Variants in UST observed in about 807,000 individuals in gnomAD.
The protein encoded by UST is uronyl 2-sulfotransferase.
A neutral mutation model predicts 45.6 loss-of-function variants in UST; 21 were observed. The observed-to-expected ratio is 0.46, with a 90% confidence interval of 0.33 to 0.66. The LOEUF is 0.66. Among genes scored for constraint, UST ranks in the 30% least tolerant of loss-of-function variants. The probability of loss-of-function intolerance (pLI) is 0.02; values close to 1 mark genes in which losing one functional copy is unlikely to be tolerated. For synonymous variants in UST, 215 were observed against 200.6 expected, an observed-to-expected ratio of 1.07 and a Z score of -0.61; for missense variants, 463 against 512.4, an observed-to-expected ratio of 0.90 and a Z score of 0.93.
At chr6:148,916,202 A>G in intron 2 of UST, among the ~76,000 whole-genome samples, 1 of 152,208 alleles carries the variant, frequency 6.6e-6, no homozygotes, top group East Asian at 1.9e-4. Flanking sequence ...ATCACAGGCC[A>G]TAATATTGGC....
intron 5 of UST, among the ~76,000 whole-genome samples, chr6:148,976,059 A>G (rs1781010188): frequency 6.6e-6 from 1 of 152,266 alleles, no homozygotes; most frequent in African/African-American, 2.4e-5. Flanking sequence ...ATATTAAGAT[A>G]TAAGAAGTCT....
chr6:148,833,433 C>T (rs1379678428), intron 1 of UST, among the ~76,000 whole-genome samples: 2 of 152,056 alleles, frequency 1.3e-5, no homozygotes, highest in Non-Finnish European at 2.9e-5. Context: ...CTTGCAGTGA[C>T]CTGAGATCGT....
intron 1 of UST, among the ~76,000 whole-genome samples, chr6:148,789,466 C>T (rs1487941945): frequency 6.6e-6 from 1 of 151,736 alleles, no homozygotes; most frequent in African/African-American, 2.4e-5. Context: ...CACACACACA[C>T]ACACACACAC....
intron 1 of UST, among the ~76,000 whole-genome samples, chr6:148,798,004 G>C (rs1401257505): frequency 6.6e-6 from 1 of 152,198 alleles, no homozygotes; most frequent in Non-Finnish European, 1.5e-5. Context: ...TTTGAAGTAG[G>C]TGGGCAACAT....
chr6:148,967,253 T>C (rs1780822052), intron 5 of UST, among the ~76,000 whole-genome samples: 1 of 151,708 alleles, frequency 6.6e-6, no homozygotes, highest in Non-Finnish European at 1.5e-5. Flanking sequence ...GATGAGGTCA[T>C]CAGATCGATC....
At chr6:148,809,910 A>C (rs1006414438) in intron 1 of UST, among the ~76,000 whole-genome samples, 2 of 152,154 alleles carry the variant, frequency 1.3e-5, no homozygotes, top group African/African-American at 4.8e-5. Flanking sequence ...CCTCACCCCA[A>C]TTCTGCTGCT....
intron 7 of UST, among the ~76,000 whole-genome samples, chr6:149,038,032 C>G (rs1373070661): frequency 1.3e-5 from 2 of 152,114 alleles, no homozygotes; most frequent in African/African-American, 2.4e-5. Context: ...AATGGCCAGA[C>G]GCCCAAACCT....
chr6:148,971,313 G>A (rs1403998845), intron 5 of UST, among the ~76,000 whole-genome samples: 1 of 152,028 alleles, frequency 6.6e-6, no homozygotes, highest in Non-Finnish European at 1.5e-5. Flanking sequence ...AGTACTTTCT[G>A]TGTAGTAGGA....
intron 7 of UST, among the ~76,000 whole-genome samples, chr6:149,024,010 G>A (rs1776017577): frequency 6.6e-6 from 1 of 152,134 alleles, no homozygotes; most frequent in East Asian, 1.9e-4. Context: ...TCAGAGTTTG[G>A]CATAGTAAAT....
intron 2 of UST, among the ~76,000 whole-genome samples, chr6:148,917,938 ACT>A (rs1562299284): frequency 1.3e-5 from 2 of 151,624 alleles, no homozygotes; most frequent in African/African-American, 2.4e-5. Flanking sequence ...CTTTCTTAAA[ACT>A]CTGTCGCTCT....
At position 148,987,194 on chromosome 6, in the gene UST, C is replaced by G. The variant is rs192931400; in HGVS notation, c.681+22631C>G. 5.2e-3 allele frequency among the ~76,000 whole-genome samples: 789 copies of G among 152,334 alleles called. 11 individuals are homozygous for G. Among genetic ancestry groups the G allele is most frequent in the African/African-American group, 0.018 (760 of 41,570 alleles). On this transcript the variant is annotated intron_variant, in intron 5 of 7. Coordinates refer to ENST00000367463, the MANE Select transcript of UST (RefSeq NM_005715.3). ...AACCAGGAGATACATTAATTACTTG[C>G]CTCCCTGGCCACTCTCAGTTTATTG...
At chr6:148,887,979 A>G (rs1043432522) in intron 2 of UST, among the ~76,000 whole-genome samples, 1 of 152,130 alleles carries the variant, frequency 6.6e-6, no homozygotes, top group African/African-American at 2.4e-5. Context: ...TGAACCCCCA[A>G]CCTTAGAGGC....
intron 7 of UST, among the ~76,000 whole-genome samples, chr6:149,023,853 G>A (rs185790396): frequency 3.3e-5 from 5 of 152,304 alleles, no homozygotes; most frequent in African/African-American, 1.2e-4. Flanking sequence ...ATTTAAATAT[G>A]TGTCTTCTCA....
At chr6:148,768,390 C>T (rs1562561888) in intron 1 of UST, among the ~76,000 whole-genome samples, 1 of 152,190 alleles carries the variant, frequency 6.6e-6, no homozygotes, top group Non-Finnish European at 1.5e-5. Flanking sequence ...AACCCTTTGA[C>T]ATACATGCAA....
intron 5 of UST, among the ~76,000 whole-genome samples, chr6:149,018,435 T>C (rs1775936738): frequency 6.6e-6 from 1 of 152,196 alleles, no homozygotes; most frequent in Admixed American, 6.5e-5. Flanking sequence ...GCATGTCTTA[T>C]TTAGAATCTC....
At chr6:148,946,683 G>C (rs572857933) in intron 3 of UST, among the ~76,000 whole-genome samples, 1 of 149,794 alleles carries the variant, frequency 6.7e-6, no homozygotes, top group African/African-American at 2.5e-5. Flanking sequence ...GCGTGGTGGC[G>C]GGTGCCTGTA....
intron 5 of UST, among the ~76,000 whole-genome samples, chr6:148,969,650 G>A (rs910779951): frequency 6.6e-6 from 1 of 152,084 alleles, no homozygotes; most frequent in Non-Finnish European, 1.5e-5. Flanking sequence ...GGCTCCACAT[G>A]ACCTAAAGGG....
At chr6:149,037,514 G>A (rs1776255201) in intron 7 of UST, among the ~76,000 whole-genome samples, 1 of 152,224 alleles carries the variant, frequency 6.6e-6, no homozygotes, top group Non-Finnish European at 1.5e-5. Context: ...CCTGGAATGA[G>A]GCTGGAGGCT....
At chr6:149,072,399 A>G (rs1378542012) in intron 7 of UST, among the ~76,000 whole-genome samples, 4 of 152,224 alleles carry the variant, frequency 2.6e-5, no homozygotes, top group Non-Finnish European at 4.4e-5. Flanking sequence ...CACACCTGTA[A>G]TACCAGCACT....
Sources: gnomAD v4.1 joint callset for allele counts (sites outside exome capture counted in the v4.1 genomes callset) on GRCh38, gnomAD v4.1.1 for gene constraint, MANE v1.5 for transcripts, NCBI Gene and HGNC (gene_info 2026-07-23, HGNC 2026-07-21) for gene names.